SORBS2: variants seen among roughly 807,000 people sequenced by gnomAD.
SORBS2 encodes the protein sorbin and SH3 domain containing 2, also known as sorbin and SH3 domain-containing protein 2.
SORBS2 carries 46 observed loss-of-function variants against 97.7 expected under a neutral mutation model. The observed-to-expected ratio is 0.47, with a 90% CI of 0.37 to 0.60. SORBS2 has a LOEUF of 0.60. Among genes scored for constraint, SORBS2 ranks in the 20% least tolerant of loss-of-function variants. The probability of loss-of-function intolerance (pLI) is 0.00; values close to 1 mark genes in which losing one functional copy is unlikely to be tolerated. For missense variants in SORBS2, 1,316 were observed against 1,282.3 expected, an observed-to-expected ratio of 1.03 and a Z score of -0.40; for synonymous variants, 476 against 473.4, an observed-to-expected ratio of 1.01 and a Z score of -0.07.
chr4:185,709,890 C>CAGT (rs2098402969), intron 2 of SORBS2: 2 of 148,626 alleles, frequency 1.3e-5, no homozygotes, highest in African/African-American at 5.0e-5. Context: ...TAGTCAAGTG[C>CAGT]AGTAGTGAGA....
At chr4:185,897,823 G>A (rs2099245777) in intron 1 of SORBS2, among the ~76,000 whole-genome samples, 1 of 152,134 alleles carries the variant, frequency 6.6e-6, no homozygotes, top group African/African-American at 2.4e-5. Flanking sequence ...GATTACCTGA[G>A]GTCAGGAGTT....
At chr4:185,666,712 G>A (rs185017897) in intron 4 of SORBS2, among the ~76,000 whole-genome samples, 154 of 152,268 alleles carry the variant, frequency 1.0e-3, no homozygotes, top group African/African-American at 3.6e-3. Flanking sequence ...TGGAAAAGAT[G>A]TTTTATTTCC....
At chr4:185,655,054 C>G (rs943182091) in intron 1 of SORBS2, among the ~76,000 whole-genome samples, 1 of 152,152 alleles carries the variant, frequency 6.6e-6, no homozygotes, top group African/African-American at 2.4e-5. Context: ...AACTAGCTGG[C>G]CTTAATGACA....
chr4:185,853,098 A>G (rs1211867929), intron 1 of SORBS2, among the ~76,000 whole-genome samples: 2 of 152,128 alleles, frequency 1.3e-5, no homozygotes, highest in East Asian at 1.9e-4. Context: ...CTCCCTGCAC[A>G]TGTCTAGTGG....
chr4:185,809,490 T>C (rs1226605370), intron 1 of SORBS2, among the ~76,000 whole-genome samples: 1 of 118,188 alleles, frequency 8.5e-6, no homozygotes, highest in African/African-American at 3.5e-5. Flanking sequence ...AAATCTGATA[T>C]AGTATGTTTT....
chr4:185,944,527 A>G (rs1261446899), intron 1 of SORBS2, among the ~76,000 whole-genome samples: 1 of 152,242 alleles, frequency 6.6e-6, no homozygotes. Context: ...TCTGAAATGC[A>G]TAGTGCAGAA....
At position 185,752,434 on chromosome 4, in the gene SORBS2, C is replaced by T. The variant is rs906599864; in HGVS notation, c.-198+22793G>A. Among the ~76,000 whole-genome samples the T allele has an allele frequency of 1.6e-4, 24 of 152,256 alleles. No homozygotes were observed. In the East Asian group the frequency reaches 2.5e-3, roughly 16 times the overall value. ...TGGACTACAGGCGCCCGCCACCACA[C>T]CCAGCTAATTTTTTGTATTTTTTAG... On this transcript the variant is annotated intron_variant, in intron 2 of 20. Coordinates refer to the SORBS2 transcript ENST00000284776.
At chr4:185,761,738 T>C (rs1269123132) in intron 2 of SORBS2, 1 of 152,232 alleles carries the variant, frequency 6.6e-6, no homozygotes, top group Non-Finnish European at 1.5e-5. Context: ...AGGGCTGACA[T>C]TGAATCTGAG....
At chr4:185,627,780 C>T (rs2096840380) in intron 5 of SORBS2, among the ~76,000 whole-genome samples, 1 of 152,022 alleles carries the variant, frequency 6.6e-6, no homozygotes, top group Non-Finnish European at 1.5e-5. Context: ...ATTAATGTGT[C>T]AATCATATAA....
intron 1 of SORBS2, among the ~76,000 whole-genome samples, chr4:185,951,053 C>A (rs954629570): frequency 6.6e-6 from 1 of 152,164 alleles, no homozygotes; most frequent in Admixed American, 6.5e-5. Flanking sequence ...TGCAAGTGAT[C>A]CCTCAATGAC....
intron 12 of SORBS2, among the ~76,000 whole-genome samples, chr4:185,594,349 C>G (rs2096033100): frequency 6.6e-6 from 1 of 152,214 alleles, no homozygotes; most frequent in South Asian, 2.1e-4. Context: ...TTTAGTTTAA[C>G]AGCAAAGTAT....
chr4:185,587,752 G>T, intron 14 of SORBS2, 64 bp from the exon 27 acceptor site: 2 of 1,275,784 alleles, frequency 1.6e-6, no homozygotes, highest in Admixed American at 1.7e-5. Flanking sequence ...ACATGGGCTT[G>T]AATACTTCCC....
intron 4 of SORBS2, among the ~76,000 whole-genome samples, chr4:185,635,799 A>ATAACTTAGGCTCAG (rs1271617880): frequency 6.6e-6 from 1 of 152,202 alleles, no homozygotes; most frequent in African/African-American, 2.4e-5. Context: ...GAAAATGCTG[A>ATAACTTAGGCTCAG]TAACTTAGGC....
intron 5 of SORBS2, among the ~76,000 whole-genome samples, chr4:185,628,132 G>A (rs1162419285): frequency 6.6e-6 from 1 of 152,072 alleles, no homozygotes; most frequent in Admixed American, 6.5e-5. Flanking sequence ...TATAAATAAT[G>A]CTCCTAAGAA....
rs189658333 is a variant in SORBS2, at chr4:185,667,587, G to A, written c.-45-5345C>T. On this transcript the variant is annotated intron_variant, in intron 4 of 20. Coordinates refer to the SORBS2 transcript ENST00000284776. Reference sequence around the variant, plus strand: ...TCTAAAGCATAACCTTAATCTAATGGGTTAAGAAACCCCAACCTTGGATAA... The same window carrying A: ...TCTAAAGCATAACCTTAATCTAATGAGTTAAGAAACCCCAACCTTGGATAA... Among the ~76,000 whole-genome samples, 152 of 151,356 alleles carry A rather than the reference G, an allele frequency of 1.0e-3. 1 individual carries two copies. The East Asian group carries it at 0.022, about 22-fold the overall frequency.
At chr4:185,876,744 G>T (rs530864793) in intron 1 of SORBS2, among the ~76,000 whole-genome samples, 1 of 152,272 alleles carries the variant, frequency 6.6e-6, no homozygotes, top group South Asian at 2.1e-4. Context: ...GAAAGTAGAG[G>T]TCTATCTAAC....
At chr4:185,818,825 C>CA (rs111877772) in intron 1 of SORBS2, among the ~76,000 whole-genome samples, 43,198 of 131,076 alleles carry the variant, frequency 0.33, 6,743 homozygotes, top group East Asian at 0.66. Flanking sequence ...GACTCTGTCT[C>CA]AAAAAAAAAA....
rs181420190 is a variant in SORBS2, at chr4:185,638,929, C to A, written c.396+7739G>T. ...CGAGCTTGGTGTGGGGGCGCCACTC[C>A]GGGGCGGAGGGGAGGGGCTACCAGT... On this transcript the variant is annotated intron_variant, in intron 4 of 14. Coordinates refer to ENST00000418609, the Ensembl canonical transcript of SORBS2. 470 of 1,504,492 alleles carry A rather than the reference C, an allele frequency of 3.1e-4. No homozygotes were observed. In the African/African-American group the frequency reaches 6.0e-3, roughly 19 times the overall value. The allele number at this position is 1,504,492 out of a possible 1,614,324, so 93.2% of individuals were successfully genotyped here.
intron 1 of SORBS2, among the ~76,000 whole-genome samples, chr4:185,783,958 G>A (rs980577213): frequency 6.6e-6 from 1 of 152,172 alleles, no homozygotes; most frequent in Admixed American, 6.5e-5. Context: ...TCTGCCTCCT[G>A]AGGATCCATT....
Sources: gnomAD v4.1 joint callset for allele counts (sites outside exome capture counted in the v4.1 genomes callset) on GRCh38, gnomAD v4.1.1 for gene constraint, MANE v1.5 for transcripts, NCBI Gene and HGNC (gene_info 2026-07-23, HGNC 2026-07-21) for gene names.